ATIC: variants seen among roughly 807,000 people sequenced by gnomAD.
ATIC encodes the protein 5-aminoimidazole-4-carboxamide ribonucleotide formyltransferase/IMP cyclohydrolase.
ATIC carries 64 observed loss-of-function variants against 72.5 expected under a neutral mutation model. That is an observed-to-expected ratio of 0.88 (90% CI 0.72 to 1.09). The LOEUF is 1.09. ATIC is among the 50% of genes least tolerant of loss of function. ATIC has a pLI of 0.00. For synonymous variants in ATIC, 281 were observed against 267.1 expected (o/e 1.05, Z -0.51); for missense variants, 787 against 732.4 (o/e 1.07, Z -0.86).
chr2:215,338,766 A>C lies in ATIC; in HGVS notation c.1099-13A>C. The C allele has an allele frequency of 6.2e-7, 1 of 1,612,626 alleles. No homozygotes were observed. Among genetic ancestry groups the C allele is most frequent in the Non-Finnish European group, 8.5e-7 (1 of 1,179,216 alleles). ...GGAGAGATTAACTTTAACTTTTAAA[A>C]TTTGTATTTTAGATGGACCAATCTT... On this transcript the variant is annotated splice_polypyrimidine_tract_variant and intron_variant, in intron 11 of 15. Transcript: ENST00000236959.
At chr2:215,329,551 A>G (rs1486064399) in intron 7 of ATIC, among the ~76,000 whole-genome samples, 1 of 152,192 alleles carries the variant, frequency 6.6e-6, no homozygotes, top group African/African-American at 2.4e-5. Flanking sequence ...TTGCGATTGT[A>G]TCTAAAACAA....
chr2:215,318,766 G>A (rs1412012725), intron 3 of ATIC, among the ~76,000 whole-genome samples: 2 of 152,080 alleles, frequency 1.3e-5, no homozygotes, highest in Non-Finnish European at 2.9e-5. Flanking sequence ...TTACAGAAAC[G>A]CATAGACTGT....
intron 2 of ATIC, among the ~76,000 whole-genome samples, chr2:215,313,701 C>G (rs941358581): frequency 6.6e-6 from 1 of 152,068 alleles, no homozygotes; most frequent in Non-Finnish European, 1.5e-5. Context: ...TGTGCAGTTC[C>G]CAGCTATGTG....
At chr2:215,325,852 C>T in intron 5 of ATIC, 135 bp from the exon 6 acceptor site, 1 of 1,091,008 alleles carries the variant, frequency 9.2e-7, no homozygotes, top group Non-Finnish European at 1.3e-6. Context: ...AGGCATGAGC[C>T]ACTGCGCCCA....
intron 15 of ATIC, 135 bp from the exon 16 acceptor site, chr2:215,349,401 G>A (rs4672768): frequency 0.32 from 501,042 of 1,570,326 alleles, 83,737 homozygotes; most frequent in South Asian, 0.47. Context: ...GGTGGATGGA[G>A]AACCCAAATC....
downstream of ATIC, among the ~76,000 whole-genome samples, chr2:215,351,129 G>A (rs1027593216): frequency 7.9e-5 from 12 of 152,136 alleles, no homozygotes; most frequent in Non-Finnish European, 1.5e-5. Context: ...CCAAGACCAC[G>A]TTGTAAGAGT....
chr2:215,343,426 A>T (rs13002318), intron 12 of ATIC, among the ~76,000 whole-genome samples: 41,168 of 151,772 alleles, frequency 0.27, 6,216 homozygotes, highest in South Asian at 0.47. Flanking sequence ...AGCCTCCACC[A>T]CCCGGGTTCA....
chr2:215,337,994 G>C (rs1173960483), intron 11 of ATIC, among the ~76,000 whole-genome samples: 1 of 152,110 alleles, frequency 6.6e-6, no homozygotes, highest in East Asian at 1.9e-4. Flanking sequence ...ATTTTATAGT[G>C]CATAATACAA....
the ATIC span, chr2:215,362,316 GTCTCT>G: frequency 1.9e-6 from 1 of 525,522 alleles, no homozygotes; most frequent in Non-Finnish European, 3.4e-6. Flanking sequence ...CTCCTGAAAT[GTCTCT>G]TCTCTTCCTA....
At chr2:215,361,545 G>C in the ATIC span, 1 of 1,586,740 alleles carries the variant, frequency 6.3e-7, no homozygotes. Context: ...CTCTGGATTG[G>C]AAAGATGATT....
chr2:215,341,463 A>G (rs867688883), intron 12 of ATIC, among the ~76,000 whole-genome samples: 61 of 152,310 alleles, frequency 4.0e-4, no homozygotes, highest in Middle Eastern at 3.4e-3. Context: ...TTAATCGTTT[A>G]TCTAAACTCT....
At chr2:215,356,960 C>T in the ATIC span, among the ~76,000 whole-genome samples, 2 of 152,158 alleles carry the variant, frequency 1.3e-5, no homozygotes, top group African/African-American at 4.8e-5. Flanking sequence ...AGGAATGGAA[C>T]TGTGAAGTCG....
intron 2 of ATIC, 108 bp downstream of exon 2, chr2:215,312,732 C>T: frequency 1.3e-6 from 2 of 1,537,434 alleles, no homozygotes; most frequent in Non-Finnish European, 1.8e-6. Context: ...CCCAGTAGCG[C>T]TGTGAGGTTG....
the ATIC span, chr2:215,361,818 T>C: frequency 7.9e-6 from 9 of 1,146,030 alleles, no homozygotes; most frequent in Non-Finnish European, 1.1e-5. Flanking sequence ...TAACTTAAAC[T>C]ATATTATGGA....
downstream of ATIC, among the ~76,000 whole-genome samples, chr2:215,350,355 G>A (rs1056224145): frequency 1.1e-4 from 17 of 152,086 alleles, no homozygotes; most frequent in Admixed American, 5.9e-4. Context: ...GGCTGGTCTC[G>A]AACTCTTGAC....
chr2:215,368,492 A>C, the ATIC span, among the ~76,000 whole-genome samples: 2 of 152,206 alleles, frequency 1.3e-5, no homozygotes, highest in Admixed American at 1.3e-4. Context: ...TCTTGTGAAG[A>C]TTATATAAGG....
At chr2:215,334,859 ATTAC>A (rs1214784564) in intron 9 of ATIC, 56 bp from the exon 10 acceptor site, 1 of 1,363,932 alleles carries the variant, frequency 7.3e-7, no homozygotes, top group African/African-American at 1.4e-5. Context: ...GGAGAATTTT[ATTAC>A]TTTTTCTGTA....
the ATIC span, chr2:215,362,491 G>A: frequency 3.4e-3 from 865 of 251,856 alleles, 6 homozygotes; most frequent in African/African-American, 0.018. Flanking sequence ...TAAGGAAACA[G>A]AGACCCAGAG....
chr2:215,340,889 T>C (rs2053011793), intron 12 of ATIC, among the ~76,000 whole-genome samples: 1 of 152,226 alleles, frequency 6.6e-6, no homozygotes, highest in South Asian at 2.1e-4. Context: ...CATTTCTTAC[T>C]GCTTCCATTT....
Sources: gnomAD v4.1 joint callset for allele counts (sites outside exome capture counted in the v4.1 genomes callset) on GRCh38, gnomAD v4.1.1 for gene constraint, MANE v1.5 for transcripts, NCBI Gene and HGNC (gene_info 2026-07-23, HGNC 2026-07-21) for gene names.